FAM83B: variants seen among roughly 807,000 people sequenced by gnomAD.
FAM83B encodes protein FAM83B.
In FAM83B, 26 loss-of-function variants were observed where a neutral mutation model predicts 38.8. That is an observed-to-expected ratio of 0.67 (90% confidence interval 0.49 to 0.93). The LOEUF (loss-of-function observed/expected upper bound fraction) is 0.93, where lower values mean the gene tolerates loss of function less well. Ranked by LOEUF, FAM83B falls within the 40% of genes least tolerant of loss-of-function variation. The pLI, the probability that FAM83B is intolerant of heterozygous loss-of-function variation, is 0.00. For synonymous variants in FAM83B, 419 were observed against 423.1 expected (o/e 0.99, Z 0.12); for missense variants, 1,237 against 1,197.3 (o/e 1.03, Z -0.49).
At chr6:54,909,402 TACTTTC>T (rs1772853311) in intron 2 of FAM83B, among the ~76,000 whole-genome samples, 1 of 152,144 alleles carries the variant, frequency 6.6e-6, no homozygotes, top group African/African-American at 2.4e-5. Context: ...TTCTTGCCAT[TACTTTC>T]AGTGGTGAAA....
intron 2 of FAM83B, among the ~76,000 whole-genome samples, chr6:54,902,336 G>T (rs1394050948): frequency 6.6e-6 from 1 of 152,064 alleles, no homozygotes; most frequent in African/African-American, 2.4e-5. Flanking sequence ...TTTCAGCCAT[G>T]GGCTACAGTG....
chr6:54,900,862 A>G (rs947508768), intron 2 of FAM83B, among the ~76,000 whole-genome samples: 5 of 152,246 alleles, frequency 3.3e-5, no homozygotes, highest in African/African-American at 1.2e-4. Flanking sequence ...AAATGTGGGC[A>G]TAGAACCACA....
intron 2 of FAM83B, among the ~76,000 whole-genome samples, chr6:54,916,511 A>G (rs1773042369): frequency 6.6e-6 from 1 of 152,194 alleles, no homozygotes; most frequent in Non-Finnish European, 1.5e-5. Context: ...TTCATTTTAT[A>G]GTGCCAATTG....
At chr6:54,858,879 T>A (rs572696426) in intron 1 of FAM83B, among the ~76,000 whole-genome samples, 1 of 152,186 alleles carries the variant, frequency 6.6e-6, no homozygotes, top group Non-Finnish European at 1.5e-5. Flanking sequence ...GATCTATCCA[T>A]TTACCTAATC....
chr6:54,907,415 AG>A (rs1233556735), intron 2 of FAM83B, among the ~76,000 whole-genome samples: 2 of 142,430 alleles, frequency 1.4e-5, no homozygotes, highest in South Asian at 2.2e-4. Flanking sequence ...AAATTCAGTG[AG>A]TAAGTTTTTG....
rs79840506 is a variant in FAM83B at position 54,924,511 on chromosome 6, C to T, written c.445-1860C>T. Among the ~76,000 whole-genome samples, 1,280 of 151,430 alleles carry T rather than the reference C, an allele frequency of 8.5e-3. 13 individuals carry two copies. The highest frequency in any genetic ancestry group is 0.029 in the African/African-American group (1,204 of 41,260). On this transcript the variant is annotated intron_variant, in intron 2 of 4. Transcript: ENST00000306858. ...CTGTTCCTTCTCCACTAAAACTATT[C>T]TTGGCCTAGCAGTAGGATTTGAACC...
At chr6:54,851,796 C>T (rs35356380) in intron 1 of FAM83B, among the ~76,000 whole-genome samples, 2,136 of 149,972 alleles carry the variant, frequency 0.014, 27 homozygotes, top group Middle Eastern at 0.082. Flanking sequence ...TACAGGCGCC[C>T]GCCACTACGC....
chr6:54,855,368 T>C (rs1392413692), intron 1 of FAM83B, among the ~76,000 whole-genome samples: 1 of 152,212 alleles, frequency 6.6e-6, no homozygotes, highest in Admixed American at 6.5e-5. Flanking sequence ...ACAATTTCTA[T>C]GTCTGTTAAT....
Position 54,940,977 on chromosome 6 carries a change from A to G in FAM83B, c.2006A>G (p.Asp669Gly). 1 of 1,613,958 alleles carries G rather than the reference A, an allele frequency of 6.2e-7. No homozygotes were observed. The highest frequency in any genetic ancestry group is 8.5e-7 in the Non-Finnish European group (1 of 1,179,986). The part of the protein sequence containing the change: ...LLKRRSFPLF[D>G]NSKANLDPGN... ...AAAAGGCGAAGTTTCCCGTTATTTG[A>G]CAACTCAAAAGCCAACTTAGATCCT... Residue 669 changes from aspartate (D) to glycine (G), a missense_variant, in exon 5 of 5, where the codon GAC becomes GGC. Coordinates refer to ENST00000306858, the MANE Select transcript of FAM83B (RefSeq NM_001010872.3).
rs373354993 is a variant in FAM83B, at chr6:54,940,647, G to T, written c.1676G>T (p.Cys559Phe). Residue 559 changes from cysteine (C) to phenylalanine (F), a missense_variant, in exon 5 of 5, where the codon TGT (cysteine) becomes TTT (phenylalanine). Cys to Phe is a radical substitution (Grantham distance 205). Transcript: ENST00000306858. ...TLPEQKEVNS[C>F]TTGSSNSTII... ...CCTGAGCAAAAGGAAGTTAACAGTT[G>T]TACAACTGGCTCCTCAAATTCAACT... 1.9e-6 allele frequency: 3 copies of T among 1,613,878 alleles called. No homozygotes were observed. Among genetic ancestry groups the T allele is most frequent in the Non-Finnish European group, 2.5e-6 (3 of 1,180,010 alleles).
rs183258681 is a variant in FAM83B, at chr6:54,865,781, G to C, written c.-60-4406G>C. Among the ~76,000 whole-genome samples the C allele has an allele frequency of 4.6e-5, 7 of 152,200 alleles. No homozygotes were observed. The East Asian group carries it at 1.4e-3, about 29-fold the overall frequency. Reference sequence around the variant, plus strand: ...CTATTCAATGAATTCTCTCAGGTCAGAAACTAGGAACAAACTGATACTAGG... The same window carrying C: ...CTATTCAATGAATTCTCTCAGGTCACAAACTAGGAACAAACTGATACTAGG... On this transcript the variant is annotated intron_variant, in intron 1 of 4. Coordinates refer to ENST00000306858, the MANE Select transcript of FAM83B (RefSeq NM_001010872.3).
chr6:54,859,926 C>G (rs1284952342), intron 1 of FAM83B, among the ~76,000 whole-genome samples: 1 of 152,120 alleles, frequency 6.6e-6, no homozygotes. Context: ...TTTAAAAAAT[C>G]TTTCCCCATT....
At position 54,915,047 on chromosome 6, in the gene FAM83B, C is replaced by T. The variant is rs556806322; in HGVS notation, c.445-11324C>T. Among the ~76,000 whole-genome samples the T allele has an allele frequency of 4.0e-5, 6 of 151,858 alleles. No homozygotes were observed. In the East Asian group the frequency reaches 7.7e-4, roughly 20 times the overall value. On this transcript the variant is annotated intron_variant, in intron 2 of 4. Coordinates refer to ENST00000306858, the MANE Select transcript of FAM83B (RefSeq NM_001010872.3). ...TATCTTCTATCATCAAGCAAATCAC[C>T]TCTTTCCTATTTTATTCTTTTGATG...
chr6:54,873,406 T>C (rs747559968), intron 2 of FAM83B, among the ~76,000 whole-genome samples: 7 of 152,170 alleles, frequency 4.6e-5, no homozygotes, highest in Non-Finnish European at 8.8e-5. Flanking sequence ...CTGTGAAGAA[T>C]TTTTAAAAGA....
intron 4 of FAM83B, among the ~76,000 whole-genome samples, chr6:54,929,759 G>C (rs910272641): frequency 6.6e-6 from 1 of 151,998 alleles, no homozygotes; most frequent in African/African-American, 2.4e-5. Flanking sequence ...CAGGAACTCG[G>C]AATTTTTAAG....
At chr6:54,934,842 T>C (rs954147015) in intron 4 of FAM83B, among the ~76,000 whole-genome samples, 1 of 152,168 alleles carries the variant, frequency 6.6e-6, no homozygotes, top group African/African-American at 2.4e-5. Context: ...CCACCATTTG[T>C]AGTACCTTTT....
rs143807285 is a variant in FAM83B, at chr6:54,919,081, G to T, written c.445-7290G>T. Among the ~76,000 whole-genome samples, 667 of 152,184 alleles carry T rather than the reference G, an allele frequency of 4.4e-3. 8 individuals are homozygous for T. The highest frequency in any genetic ancestry group is 0.015 in the African/African-American group (635 of 41,494). On this transcript the variant is annotated intron_variant, in intron 2 of 4. Coordinates refer to ENST00000306858, the MANE Select transcript of FAM83B (RefSeq NM_001010872.3). Reference sequence around the variant, plus strand: ...AAGTTTCAAAAAAAGTAACTTTTCAGGAAGTACTGAGGAAGTTAGAACATG... The same window carrying T: ...AAGTTTCAAAAAAAGTAACTTTTCATGAAGTACTGAGGAAGTTAGAACATG...
intron 1 of FAM83B, among the ~76,000 whole-genome samples, chr6:54,857,089 A>G (rs529556206): frequency 2.2e-4 from 33 of 152,202 alleles, no homozygotes; most frequent in Non-Finnish European, 3.5e-4. Context: ...AGCTGTTCCT[A>G]ACATAACTAA....
At chr6:54,861,348 A>G (rs1771577329) in intron 1 of FAM83B, among the ~76,000 whole-genome samples, 1 of 152,232 alleles carries the variant, frequency 6.6e-6, no homozygotes, top group South Asian at 2.1e-4. Flanking sequence ...TGAGCCCAGG[A>G]GTTTGAGACC....
Sources: allele counts gnomAD v4.1 joint callset (sites outside exome capture counted in the v4.1 genomes callset), GRCh38; gene constraint gnomAD v4.1.1; transcripts MANE v1.5; gene names NCBI Gene and HGNC (gene_info 2026-07-23, HGNC 2026-07-21).